NBAS: variants seen among roughly 807,000 people sequenced by gnomAD.
The protein encoded by NBAS is NAG/BC035112 fusion.
A neutral mutation model predicts 302.5 loss-of-function variants in NBAS; 219 were observed. That is an observed-to-expected ratio of 0.72 (90% CI 0.65 to 0.81). NBAS has a LOEUF of 0.81. Ranked by LOEUF, NBAS falls within the 30% of genes least tolerant of loss-of-function variation. The pLI is 0.00. For synonymous variants in NBAS, 1,118 were observed against 1,021.6 expected (o/e 1.09, Z -1.80); for missense variants, 2,932 against 2,841.6 (o/e 1.03, Z -0.72).
intron 7 of NBAS, among the ~76,000 whole-genome samples, chr2:15,536,811 C>G (rs978890272): frequency 6.6e-6 from 1 of 152,086 alleles, no homozygotes; most frequent in African/African-American, 2.4e-5. Flanking sequence ...TAGGAAATTT[C>G]TATTCAAATT....
At chr2:15,227,659 T>C (rs1667201529) in intron 47 of NBAS, among the ~76,000 whole-genome samples, 2 of 152,196 alleles carry the variant, frequency 1.3e-5, no homozygotes, top group South Asian at 2.1e-4. Context: ...TGGAACATAA[T>C]AGAGAACCCC....
At chr2:14,928,844 C>A in the NBAS span, among the ~76,000 whole-genome samples, 3 of 152,158 alleles carry the variant, frequency 2.0e-5, no homozygotes, top group Non-Finnish European at 4.4e-5. Flanking sequence ...ACGCTCTGAA[C>A]AGAGCACACA....
At chr2:15,456,271 A>T (rs1197435929) in intron 21 of NBAS, among the ~76,000 whole-genome samples, 1 of 152,232 alleles carries the variant, frequency 6.6e-6, no homozygotes, top group Non-Finnish European at 1.5e-5. Flanking sequence ...GTCTGAATCG[A>T]AAGTGGTTAA....
At chr2:14,895,682 G>A in the NBAS span, among the ~76,000 whole-genome samples, 1 of 150,998 alleles carries the variant, frequency 6.6e-6, no homozygotes, top group Non-Finnish European at 1.5e-5. Context: ...GGAGCTTGCA[G>A]TGAGCTGAGA....
At chr2:15,042,870 TA>T in the NBAS span, among the ~76,000 whole-genome samples, 2 of 152,222 alleles carry the variant, frequency 1.3e-5, no homozygotes. Flanking sequence ...AAAGGCCAGC[TA>T]GTATATATTT....
Position 15,232,521 on chromosome 2 carries a change from G to T in NBAS, c.6147-10C>A. ...GTCAGCACTGCCACCACTGTGAAAA[G>T]AGAGATAAACTGATTCAGAAAAGGA... On this transcript the variant is annotated splice_polypyrimidine_tract_variant and intron_variant, in intron 46 of 51. Coordinates refer to ENST00000281513, the MANE Select transcript of NBAS (RefSeq NM_015909.4). The T allele has an allele frequency of 6.2e-7, 1 of 1,611,308 alleles. No individual in the cohort carries two copies.
the NBAS span, among the ~76,000 whole-genome samples, chr2:14,981,111 G>A: frequency 6.6e-6 from 1 of 152,032 alleles, no homozygotes; most frequent in Non-Finnish European, 1.5e-5. Context: ...TGCTGGAAAT[G>A]TTCCCATAAA....
the NBAS span, among the ~76,000 whole-genome samples, chr2:14,873,853 T>TA: frequency 6.6e-6 from 1 of 151,200 alleles, no homozygotes; most frequent in Non-Finnish European, 1.5e-5. Flanking sequence ...ATTTTTTTTT[T>TA]ACTAAAAAAG....
intron 12 of NBAS, among the ~76,000 whole-genome samples, chr2:15,478,515 C>T (rs1025684235): frequency 2.6e-5 from 4 of 152,172 alleles, no homozygotes; most frequent in Admixed American, 2.6e-4. Context: ...AAGAATACAG[C>T]ATGCATATGA....
At chr2:15,409,582 A>G (rs1015415629) in intron 25 of NBAS, among the ~76,000 whole-genome samples, 1 of 152,132 alleles carries the variant, frequency 6.6e-6, no homozygotes, top group South Asian at 2.1e-4. Flanking sequence ...TGCTTTTATT[A>G]TTACAGTTTC....
chr2:15,354,861 C>A lies in NBAS; in HGVS notation c.3932-1151G>T, dbSNP rs72776673. 9.4e-3 allele frequency among the ~76,000 whole-genome samples: 1,427 copies of A among 152,236 alleles called. 8 individuals are homozygous for A. The highest frequency in any genetic ancestry group is 0.017 in the Middle Eastern group (5 of 294). On this transcript the variant is annotated intron_variant, in intron 33 of 51. Coordinates refer to ENST00000281513, the MANE Select transcript of NBAS (RefSeq NM_015909.4). ...TCAAGGACTGATCAAATTACTTATC[C>A]CTCAGCGGTGATATCTGATCATCCT...
the NBAS span, among the ~76,000 whole-genome samples, chr2:14,956,487 T>A: frequency 6.6e-6 from 1 of 152,222 alleles, no homozygotes; most frequent in Non-Finnish European, 1.5e-5. Flanking sequence ...ACCAATTTAC[T>A]GTATTAGTCC....
At chr2:15,327,577 G>A (rs544999259) in intron 38 of NBAS, among the ~76,000 whole-genome samples, 173 bp downstream of exon 38, 1 of 152,234 alleles carries the variant, frequency 6.6e-6, no homozygotes, top group South Asian at 2.1e-4. Context: ...TTCTCAATAA[G>A]TGTTTTAAAC....
At chr2:14,868,675 G>A in the NBAS span, among the ~76,000 whole-genome samples, 1 of 152,158 alleles carries the variant, frequency 6.6e-6, no homozygotes, top group African/African-American at 2.4e-5. Context: ...TCCTTACTGA[G>A]TTTAGTCTAA....
Position 15,468,456 on chromosome 2 carries a change from T to C in NBAS, c.1803A>G (p.Glu601=). Residue 601 remains glutamate (E), a synonymous_variant, in exon 17 of 52, where the codon GAA becomes GAG. Coordinates refer to ENST00000281513, the MANE Select transcript of NBAS (RefSeq NM_015909.4). Reference sequence around the variant, plus strand: ...TGCCTTTTAATCCATACTGAAGCAGTTCTTTTGCAGCATCCACATTTTCAG... The same window carrying C: ...TGCCTTTTAATCCATACTGAAGCAGCTCTTTTGCAGCATCCACATTTTCAG... ...RVPENVDAAK[E]LLQYGLKGTD... The C allele has an allele frequency of 6.2e-7, 1 of 1,614,064 alleles. No homozygotes were observed. The highest frequency in any genetic ancestry group is 8.5e-7 in the Non-Finnish European group (1 of 1,179,958).
intron 48 of NBAS, among the ~76,000 whole-genome samples, chr2:15,201,929 C>G (rs770953707): frequency 1.3e-5 from 2 of 152,074 alleles, no homozygotes; most frequent in Non-Finnish European, 2.9e-5. Flanking sequence ...AGTGTCCTGA[C>G]CAGGAAGAAA....
the NBAS span, among the ~76,000 whole-genome samples, chr2:15,047,212 G>A: frequency 6.6e-6 from 1 of 152,246 alleles, no homozygotes; most frequent in African/African-American, 2.4e-5. Flanking sequence ...AGAATGAATT[G>A]TTTTATTGCC....
the NBAS span, among the ~76,000 whole-genome samples, chr2:14,804,665 A>C: frequency 6.6e-6 from 1 of 152,336 alleles, no homozygotes; most frequent in East Asian, 1.9e-4. Context: ...TAATGAGTGA[A>C]AATCAACTTT....
At chr2:15,092,682 C>T in the NBAS span, among the ~76,000 whole-genome samples, 1 of 152,164 alleles carries the variant, frequency 6.6e-6, no homozygotes, top group Non-Finnish European at 1.5e-5. Flanking sequence ...CCAGAACTTC[C>T]TCCAGTATGT....
Sources: gnomAD v4.1 joint callset for allele counts (sites outside exome capture counted in the v4.1 genomes callset) on GRCh38, gnomAD v4.1.1 for gene constraint, MANE v1.5 for transcripts, NCBI Gene and HGNC (gene_info 2026-07-23, HGNC 2026-07-21) for gene names.